The following TNS3 variants were observed in gnomAD, a reference collection of about 807,000 sequenced individuals.
The protein encoded by TNS3 is tensin-3.
A neutral mutation model predicts 140.9 loss-of-function variants in TNS3; 45 were observed. The observed-to-expected ratio is 0.32, with a 90% confidence interval of 0.25 to 0.41. TNS3 has a LOEUF of 0.41. Ranked by LOEUF, TNS3 falls within the 10% of genes least tolerant of loss-of-function variation. The pLI is 1.00. For synonymous variants in TNS3, 815 were observed against 788.4 expected, an observed-to-expected ratio of 1.03 and a Z score of -0.56; for missense variants, 1,716 against 1,906.7, an observed-to-expected ratio of 0.90 and a Z score of 1.86.
chr7:47,554,585 T>G (rs970746716), intron 1 of TNS3, among the ~76,000 whole-genome samples: 1 of 152,150 alleles, frequency 6.6e-6, no homozygotes, highest in Non-Finnish European at 1.5e-5. Flanking sequence ...AAGACTTCAG[T>G]GAAGAAAGGA....
At chr7:47,337,643 GTTC>G (rs1354594960) in intron 20 of TNS3, among the ~76,000 whole-genome samples, 1 of 152,190 alleles carries the variant, frequency 6.6e-6, no homozygotes, top group East Asian at 1.9e-4. Flanking sequence ...ATCCCACCGT[GTTC>G]TTCATGCAGC....
At chr7:47,384,737 A>C (rs1342491183) in intron 16 of TNS3, among the ~76,000 whole-genome samples, 3 of 152,078 alleles carry the variant, frequency 2.0e-5, no homozygotes, top group South Asian at 4.1e-4. Flanking sequence ...GTGGAGTCAC[A>C]GCCAATGTAT....
chr7:47,319,133 G>A (rs1787582196), intron 20 of TNS3, among the ~76,000 whole-genome samples: 2 of 152,190 alleles, frequency 1.3e-5, no homozygotes, highest in African/African-American at 4.8e-5. Context: ...CTGAGTCCAT[G>A]TGCACCGCTA....
At chr7:47,466,112 T>C (rs1796703244) in intron 4 of TNS3, among the ~76,000 whole-genome samples, 1 of 152,196 alleles carries the variant, frequency 6.6e-6, no homozygotes, top group African/African-American at 2.4e-5. Flanking sequence ...AGTTACAGTC[T>C]GAATAAAGTC....
At chr7:47,570,162 A>AAAAT (rs1800521171) in intron 1 of TNS3, among the ~76,000 whole-genome samples, 1 of 152,284 alleles carries the variant, frequency 6.6e-6, no homozygotes, top group South Asian at 2.1e-4. Context: ...ATAAAAAGAA[A>AAAAT]AAATAAATAA....
At chr7:47,582,367 C>T, upstream of TNS3, 1 of 453,514 alleles carries the variant, frequency 2.2e-6, no homozygotes, top group Non-Finnish European at 4.4e-6. Flanking sequence ...ACCCATTGAG[C>T]AGCCCAGGCT....
At chr7:47,439,445 G>A in intron 6 of TNS3, 42 bp downstream of exon 6, 3 of 1,605,116 alleles carry the variant, frequency 1.9e-6, no homozygotes, top group Non-Finnish European at 2.6e-6. Context: ...AGTGCCTGCT[G>A]CAGAGCCTGC....
At chr7:47,425,875 T>C (rs1432801779) in intron 9 of TNS3, among the ~76,000 whole-genome samples, 3 of 152,184 alleles carry the variant, frequency 2.0e-5, no homozygotes, top group African/African-American at 7.2e-5. Flanking sequence ...AGATCTCAAA[T>C]GTGTGCTTGT....
chr7:47,292,946 T>A, intron 25 of TNS3, 41 bp from the exon 26 acceptor site: 2 of 1,578,356 alleles, frequency 1.3e-6, no homozygotes, highest in Non-Finnish European at 8.7e-7. Flanking sequence ...CAACAACTGC[T>A]GTAGATGTTG....
intron 26 of TNS3, among the ~76,000 whole-genome samples, chr7:47,292,440 T>G (rs1450069497): frequency 6.6e-6 from 1 of 152,196 alleles, no homozygotes; most frequent in Non-Finnish European, 1.5e-5. Flanking sequence ...AACATAAAAG[T>G]AAAAAGAACA....
intron 17 of TNS3, 46 bp from the exon 18 acceptor site, chr7:47,346,402 G>A (rs147456423): frequency 3.9e-5 from 63 of 1,603,608 alleles, no homozygotes; most frequent in African/African-American, 3.5e-4. Context: ...TCCTCAAGGC[G>A]GAGTGAGGCG....
At chr7:47,506,765 G>A in intron 3 of TNS3, 142 bp downstream of exon 3, 1 of 457,608 alleles carries the variant, frequency 2.2e-6, no homozygotes, top group Non-Finnish European at 3.7e-6. Context: ...GAGATGAAAA[G>A]TATACACCGT....
chr7:47,518,466 T>C (rs998555703), intron 2 of TNS3, among the ~76,000 whole-genome samples: 6 of 152,194 alleles, frequency 3.9e-5, no homozygotes, highest in Admixed American at 3.9e-4. Context: ...TCTTGAAGTT[T>C]TCATCCCCAG....
chr7:47,301,931 T>C (rs1011442630), intron 23 of TNS3, among the ~76,000 whole-genome samples: 9 of 152,208 alleles, frequency 5.9e-5, no homozygotes, highest in African/African-American at 2.2e-4. Context: ...AATTACACCC[T>C]ACACACTGGA....
At position 47,519,566 on chromosome 7, in the gene TNS3, C is replaced by T. The variant is rs180918682; in HGVS notation, c.-153+9470G>A. Among the ~76,000 whole-genome samples, 5 of 152,306 alleles carry T rather than the reference C, an allele frequency of 3.3e-5. No individual in the cohort carries two copies. In the East Asian group the frequency reaches 7.7e-4, roughly 24 times the overall value. The stretch of plus-strand genomic sequence containing the variant: ...CAGTCCCCCACACACATGGGTGTGA[C>T]TGTCCAGGACTTCTTTGTCCCTCAC... On this transcript the variant is annotated intron_variant, in intron 2 of 30. Transcript: ENST00000311160.
At chr7:47,329,651 G>A (rs1021343122) in intron 20 of TNS3, among the ~76,000 whole-genome samples, 1 of 152,152 alleles carries the variant, frequency 6.6e-6, no homozygotes, top group Non-Finnish European at 1.5e-5. Flanking sequence ...TGATGCTGTC[G>A]GAAATGCCTG....
intron 4 of TNS3, among the ~76,000 whole-genome samples, chr7:47,473,982 G>A (rs1333442229): frequency 6.6e-6 from 1 of 152,196 alleles, no homozygotes; most frequent in East Asian, 1.9e-4. Flanking sequence ...GGCAGAGGCA[G>A]GGATGGCAGC....
chr7:47,530,823 C>CAAAAAAA (rs781707373), intron 1 of TNS3, among the ~76,000 whole-genome samples: 3 of 45,012 alleles, frequency 6.7e-5, no homozygotes, highest in African/African-American at 1.6e-4. Flanking sequence ...AACTCCATCT[C>CAAAAAAA]AAAAAAAAAA....
intron 3 of TNS3, among the ~76,000 whole-genome samples, chr7:47,486,840 C>T (rs190472368): frequency 1.4e-3 from 211 of 152,272 alleles, no homozygotes; most frequent in Middle Eastern, 3.4e-3. Flanking sequence ...TCTCTAAAGC[C>T]GTGTGGGTAT....
Sources: allele counts gnomAD v4.1 joint callset (sites outside exome capture counted in the v4.1 genomes callset), GRCh38; gene constraint gnomAD v4.1.1; transcripts MANE v1.5; gene names NCBI Gene and HGNC (gene_info 2026-07-23, HGNC 2026-07-21).